Variants in SIM1 observed in about 807,000 individuals in gnomAD.
SIM1 encodes SIM bHLH transcription factor 1.
Under a neutral mutation model 78.2 loss-of-function variants are expected in SIM1, and 18 were observed. The observed-to-expected ratio is 0.23, with a 90% confidence interval of 0.16 to 0.34. The LOEUF (loss-of-function observed/expected upper bound fraction) is 0.34. Among genes scored for constraint, SIM1 ranks in the 10% least tolerant of loss-of-function variants. The pLI, the probability that SIM1 is intolerant of heterozygous loss-of-function variation, is 1.00. For missense variants in SIM1, 939 were observed against 975.1 expected, an observed-to-expected ratio of 0.96 and a Z score of 0.49; for synonymous variants, 417 against 385.2, an observed-to-expected ratio of 1.08 and a Z score of -0.97.
At chr6:100,411,847 A>G (rs1771198616) in intron 10 of SIM1, among the ~76,000 whole-genome samples, 1 of 152,170 alleles carries the variant, frequency 6.6e-6, no homozygotes, top group African/African-American at 2.4e-5. Context: ...TCTGGACCTT[A>G]AGCAGAATTT....
chr6:100,459,412 C>G (rs1772777627), intron 2 of SIM1, among the ~76,000 whole-genome samples: 1 of 152,164 alleles, frequency 6.6e-6, no homozygotes, highest in Non-Finnish European at 1.5e-5. Flanking sequence ...GGAGGGTAAA[C>G]TGTGCTTAAA....
At chr6:100,451,015 G>A (rs1207189513) in intron 3 of SIM1, among the ~76,000 whole-genome samples, 1 of 152,130 alleles carries the variant, frequency 6.6e-6, no homozygotes, top group Non-Finnish European at 1.5e-5. Flanking sequence ...GGCTCTCCAT[G>A]AAGGAAAGTC....
chr6:100,419,917 A>G (rs1771522012), intron 10 of SIM1, among the ~76,000 whole-genome samples: 1 of 152,204 alleles, frequency 6.6e-6, no homozygotes, highest in African/African-American at 2.4e-5. Flanking sequence ...CTGGGATTAC[A>G]GGCACAAGTC....
At chr6:100,405,830 T>C (rs1771038624) in intron 10 of SIM1, among the ~76,000 whole-genome samples, 1 of 152,056 alleles carries the variant, frequency 6.6e-6, no homozygotes, top group Non-Finnish European at 1.5e-5. Flanking sequence ...GCTGTCAGGG[T>C]GATGTGCAGC....
chr6:100,429,780 C>T (rs1047092204), intron 9 of SIM1, among the ~76,000 whole-genome samples: 1 of 152,122 alleles, frequency 6.6e-6, no homozygotes, highest in Non-Finnish European at 1.5e-5. Flanking sequence ...CATGTACTTT[C>T]ATTTCATATT....
At chr6:100,428,144 A>C (rs1771785276) in intron 9 of SIM1, among the ~76,000 whole-genome samples, 1 of 152,218 alleles carries the variant, frequency 6.6e-6, no homozygotes. Context: ...TAAATTTAAA[A>C]AAAGCAAATC....
In SIM1 at chr6:100,387,638, G is replaced by A. The variant is rs919905197; in HGVS notation, c.*2723C>T. The A allele has an allele frequency of 6.6e-6, 1 of 151,984 alleles. No individual in the cohort carries two copies. The highest frequency in any genetic ancestry group is 1.5e-5 in the Non-Finnish European group (1 of 67,926). 9.4% of individuals were successfully genotyped at this position (151,984 alleles called of 1,614,324 possible). A position where few individuals can be genotyped will look rare whatever the true frequency, so the allele number is the denominator to read the frequency against. ...ATTCAGTAAATTTTAAAATGGTTAT[G>A]TACTTAAAACTGGGTCAATCTACCA... On this transcript the variant is annotated 3_prime_UTR_variant, in exon 12 of 12. Coordinates refer to ENST00000369208, the MANE Select transcript of SIM1 (RefSeq NM_005068.3).
intron 11 of SIM1, among the ~76,000 whole-genome samples, chr6:100,392,347 T>C (rs1331002024): frequency 6.6e-6 from 1 of 152,214 alleles, no homozygotes; most frequent in Non-Finnish European, 1.5e-5. Context: ...AGTAGGAATA[T>C]ATGAAAGCTG....
chr6:100,444,253 C>T (rs1772295763), intron 9 of SIM1, among the ~76,000 whole-genome samples: 1 of 152,052 alleles, frequency 6.6e-6, no homozygotes, highest in African/African-American at 2.4e-5. Flanking sequence ...TCTGGACTTT[C>T]CCCGACATCC....
Position 100,463,573 on chromosome 6 carries a change from A to G in SIM1, c.-105T>C. 1 of 1,050,378 alleles carries G rather than the reference A, an allele frequency of 9.5e-7. No individual in the cohort carries two copies. The highest frequency in any genetic ancestry group is 1.4e-6 in the Non-Finnish European group (1 of 712,686). The allele number at this position is 1,050,378 out of a possible 1,614,324, so 65.1% of individuals were successfully genotyped here. ...ATCATATTTGGCAAAAACATAAAAC[A>G]TACTTTGAATAAAGAGGCTGAAGTA... On this transcript the variant is annotated 5_prime_UTR_variant, in exon 2 of 12. An upstream start codon of the reference 5' UTR is lost. Transcript: ENST00000369208.
intron 10 of SIM1, among the ~76,000 whole-genome samples, chr6:100,413,719 A>G (rs923353821): frequency 6.6e-6 from 1 of 152,318 alleles, no homozygotes; most frequent in South Asian, 2.1e-4. Context: ...AAGGTATACA[A>G]TCCTATGTCT....
chr6:100,434,970 A>G (rs1772006238), intron 9 of SIM1, among the ~76,000 whole-genome samples: 1 of 152,224 alleles, frequency 6.6e-6, no homozygotes, highest in South Asian at 2.1e-4. Context: ...TCTAGTAAAG[A>G]CAGCAGCTCC....
chr6:100,419,636 G>T (rs1346259636), intron 10 of SIM1, among the ~76,000 whole-genome samples: 1 of 151,898 alleles, frequency 6.6e-6, no homozygotes, highest in East Asian at 1.9e-4. Flanking sequence ...GTTTGTTTTT[G>T]TTTTTGTTTT....
rs936158937 is a variant in SIM1 at position 100,386,184 on chromosome 6, T to C, written c.*4177A>G. On this transcript the variant is annotated 3_prime_UTR_variant, in exon 12 of 12. Transcript: ENST00000369208. ...ACAGGATGTATGTCAACATCTATGATTTGAGTGAACTAGGGAACCAAATCT... is the reference window on the plus strand; with the variant it reads ...ACAGGATGTATGTCAACATCTATGACTTGAGTGAACTAGGGAACCAAATCT... The C allele has an allele frequency of 1.3e-5, 2 of 152,058 alleles. No homozygotes were observed. The allele number at this position is 152,058 out of a possible 1,614,324, so 9.4% of individuals were successfully genotyped here. A position where few individuals can be genotyped will look rare whatever the true frequency, so the allele number is the denominator to read the frequency against.
intron 9 of SIM1, among the ~76,000 whole-genome samples, chr6:100,423,818 G>C (rs1203065245): frequency 4.6e-5 from 7 of 152,234 alleles, no homozygotes; most frequent in Non-Finnish European, 1.0e-4. Flanking sequence ...ACAGGAGGTA[G>C]AGCCTCCACT....
chr6:100,435,065 T>C (rs1772008502), intron 9 of SIM1, among the ~76,000 whole-genome samples: 1 of 152,164 alleles, frequency 6.6e-6, no homozygotes, highest in Non-Finnish European at 1.5e-5. Flanking sequence ...TGTGAAAACA[T>C]CATGACTGTT....
intron 11 of SIM1, among the ~76,000 whole-genome samples, chr6:100,392,031 G>A (rs1302136339): frequency 6.6e-6 from 1 of 152,114 alleles, no homozygotes; most frequent in Non-Finnish European, 1.5e-5. Flanking sequence ...AAAATTAGCT[G>A]GGCGTGGTGG....
At chr6:100,415,597 T>A (rs1008829731) in intron 10 of SIM1, among the ~76,000 whole-genome samples, 1 of 152,154 alleles carries the variant, frequency 6.6e-6, no homozygotes, top group African/African-American at 2.4e-5. Context: ...GGCCATAATA[T>A]AATCAAGTCT....
At chr6:100,415,555 T>G (rs1202101548) in intron 10 of SIM1, among the ~76,000 whole-genome samples, 1 of 152,190 alleles carries the variant, frequency 6.6e-6, no homozygotes, top group Non-Finnish European at 1.5e-5. Flanking sequence ...CTGTCCCAAG[T>G]AATACCTTTG....
Sources: allele counts gnomAD v4.1 joint callset (sites outside exome capture counted in the v4.1 genomes callset), GRCh38; gene constraint gnomAD v4.1.1; transcripts MANE v1.5; gene names NCBI Gene and HGNC (gene_info 2026-07-23, HGNC 2026-07-21).